Variants in PRKN observed in about 807,000 individuals in gnomAD.
PRKN encodes parkin RBR E3 ubiquitin protein ligase.
In PRKN, 56 loss-of-function variants were observed where a neutral mutation model predicts 59.5. The observed-to-expected ratio is 0.94, with a 90% CI of 0.76 to 1.18. The LOEUF (loss-of-function observed/expected upper bound fraction) is 1.18. Ranked by LOEUF, PRKN falls within the 50% of genes most tolerant of loss-of-function variation. The pLI, the probability that PRKN is intolerant of heterozygous loss-of-function variation, is 0.00. For synonymous variants in PRKN, 250 were observed against 222.1 expected, an observed-to-expected ratio of 1.13 and a Z score of -1.12; for missense variants, 657 against 596.4, an observed-to-expected ratio of 1.10 and a Z score of -1.06.
chr6:162,449,880 A>C (rs924980272), intron 1 of PRKN, among the ~76,000 whole-genome samples: 1 of 152,204 alleles, frequency 6.6e-6, no homozygotes, highest in East Asian at 1.9e-4. Context: ...AACAAAAAAA[A>C]TGAAGATTTC....
At chr6:161,734,637 T>TA (rs1787890699) in intron 7 of PRKN, among the ~76,000 whole-genome samples, 4 of 152,224 alleles carry the variant, frequency 2.6e-5, no homozygotes, top group Non-Finnish European at 5.9e-5. Context: ...CCTAAACATT[T>TA]AGAGGAAATT....
At chr6:161,705,188 C>T (rs1786430856) in intron 7 of PRKN, among the ~76,000 whole-genome samples, 1 of 152,102 alleles carries the variant, frequency 6.6e-6, no homozygotes, top group Non-Finnish European at 1.5e-5. Flanking sequence ...GGATTACCTC[C>T]CAATAAGCCC....
intron 6 of PRKN, among the ~76,000 whole-genome samples, chr6:161,941,253 G>C (rs1583379283): frequency 6.6e-6 from 1 of 152,326 alleles, no homozygotes; most frequent in South Asian, 2.1e-4. Context: ...CTAGCAGGCA[G>C]ACACAGGCGG....
intron 6 of PRKN, among the ~76,000 whole-genome samples, chr6:161,920,065 T>C (rs1052832237): frequency 6.6e-6 from 1 of 152,232 alleles, no homozygotes; most frequent in African/African-American, 2.4e-5. Flanking sequence ...CTGTACAGCA[T>C]GTTACTGGAC....
chr6:161,755,600 T>C (rs548688400), intron 7 of PRKN, among the ~76,000 whole-genome samples: 1 of 152,114 alleles, frequency 6.6e-6, no homozygotes, highest in East Asian at 1.9e-4. Context: ...GCAAGCAGAA[T>C]TGAAATTATG....
At chr6:161,823,362 T>C (rs1792114428) in intron 6 of PRKN, among the ~76,000 whole-genome samples, 1 of 152,278 alleles carries the variant, frequency 6.6e-6, no homozygotes, top group African/African-American at 2.4e-5. Context: ...TAATAATTCA[T>C]TATCATATGC....
chr6:162,450,367 CCTGTGATTGTAATCCCCCT>C (rs1414452082), intron 1 of PRKN, among the ~76,000 whole-genome samples: 4 of 135,096 alleles, frequency 3.0e-5, no homozygotes, highest in Admixed American at 7.4e-5. Flanking sequence ...TGTAAACGCC[CCTGTGATTGTAATCCCCCT>C]GTGAATGTAA....
chr6:161,828,116 T>C (rs1287393789), intron 6 of PRKN, among the ~76,000 whole-genome samples: 2 of 152,126 alleles, frequency 1.3e-5, no homozygotes, highest in Admixed American at 6.5e-5. Flanking sequence ...ATAGAAAGAT[T>C]CCCTTTCAAT....
chr6:162,437,087 G>C lies in PRKN; in HGVS notation c.171+6223C>G, dbSNP rs1038670095. On this transcript the variant is annotated intron_variant, in intron 2 of 11. Transcript: ENST00000366898. ...AGCCTGGGCGACAGAGCGAGACTCT[G>C]TCTCAAAAAAAATAAATAAATAAAT... Among the ~76,000 whole-genome samples the C allele has an allele frequency of 6.5e-5, 8 of 123,532 alleles. 1 individual carries two copies. Among genetic ancestry groups the C allele is most frequent in the African/African-American group, 3.2e-4 (8 of 24,954 alleles). The allele number at this position is 123,532 out of a possible 152,430, so 81.0% of individuals were successfully genotyped here. A position where few individuals can be genotyped will look rare whatever the true frequency, so the allele number is the denominator to read the frequency against.
intron 3 of PRKN, among the ~76,000 whole-genome samples, chr6:162,221,657 T>C (rs956611302): frequency 6.6e-6 from 1 of 152,280 alleles, no homozygotes; most frequent in Non-Finnish European, 1.5e-5. Flanking sequence ...TCCGGCCTTA[T>C]TTCATTACTC....
At chr6:161,946,268 A>G (rs534066469) in intron 6 of PRKN, among the ~76,000 whole-genome samples, 1 of 152,226 alleles carries the variant, frequency 6.6e-6, no homozygotes, top group South Asian at 2.1e-4. Context: ...ATGCCTCTGG[A>G]TGTGTTTTTA....
At chr6:162,003,112 T>C (rs1354231158) in intron 5 of PRKN, among the ~76,000 whole-genome samples, 1 of 151,512 alleles carries the variant, frequency 6.6e-6, no homozygotes, top group Non-Finnish European at 1.5e-5. Flanking sequence ...GGAAGTGGTC[T>C]ATAGAGGTCA....
chr6:162,449,467 G>A (rs1290648318), intron 1 of PRKN, among the ~76,000 whole-genome samples: 1 of 152,114 alleles, frequency 6.6e-6, no homozygotes, highest in Non-Finnish European at 1.5e-5. Context: ...GACCTTGCAT[G>A]TGCAATTTCA....
rs538589206 is a variant in PRKN, at chr6:161,396,878, C to T, written c.1084-10001G>A. ...GAGGCCTGAACATGTTTGGGGACACCCTGCCAGCACATCTTACAGACTTTT... is the reference window on the plus strand; with the variant it reads ...GAGGCCTGAACATGTTTGGGGACACTCTGCCAGCACATCTTACAGACTTTT... On this transcript the variant is annotated intron_variant, in intron 9 of 11. Coordinates refer to ENST00000366898, the MANE Select transcript of PRKN (RefSeq NM_004562.3). The surrounding 1 kb of genome is among the most constrained non-coding windows in gnomAD (Gnocchi z 5.4). 1.2e-3 allele frequency among the ~76,000 whole-genome samples: 184 copies of T among 152,292 alleles called. No homozygotes were observed. Among genetic ancestry groups the T allele is most frequent in the Middle Eastern group, 3.4e-3 (1 of 294 alleles).
intron 1 of PRKN, among the ~76,000 whole-genome samples, chr6:162,576,051 G>T (rs73035006): frequency 0.1 from 15,573 of 152,172 alleles, 944 homozygotes; most frequent in Middle Eastern, 0.19. Flanking sequence ...GTAAGGTTTA[G>T]GAGACCACGC....
Position 161,462,358 on chromosome 6 carries a change from G to A in PRKN, c.1084-75481C>T, listed in dbSNP as rs1209429887. ...TGGCATAAGCTGGCATTTTTCAGTC[G>A]AAATACCACAGGGAGAGGTATTTTA... On this transcript the variant is annotated intron_variant, in intron 9 of 11. Transcript: ENST00000366898. The surrounding 1 kb of genome is among the most constrained non-coding windows in gnomAD (Gnocchi z 4.5). Among the ~76,000 whole-genome samples the A allele has an allele frequency of 6.6e-6, 1 of 152,128 alleles. No homozygotes were observed. Among genetic ancestry groups the A allele is most frequent in the African/African-American group, 2.4e-5 (1 of 41,436 alleles).
intron 6 of PRKN, among the ~76,000 whole-genome samples, chr6:161,946,069 T>G (rs1452145260): frequency 6.6e-6 from 1 of 152,150 alleles, no homozygotes; most frequent in African/African-American, 2.4e-5. Flanking sequence ...TTAATAAATA[T>G]TTTTTAACTA....
At chr6:162,424,739 A>C (rs1333681279) in intron 2 of PRKN, among the ~76,000 whole-genome samples, 1 of 141,316 alleles carries the variant, frequency 7.1e-6, no homozygotes, top group Non-Finnish European at 1.5e-5. Context: ...TGTCTCAAAG[A>C]AAAAAAAAAA....
intron 2 of PRKN, among the ~76,000 whole-genome samples, chr6:162,397,024 T>C (rs1370448648): frequency 6.6e-6 from 1 of 152,158 alleles, no homozygotes; most frequent in Non-Finnish European, 1.5e-5. Flanking sequence ...GGAGATAGTA[T>C]GCAACCGAGG....
Sources: gnomAD v4.1 joint callset for allele counts (sites outside exome capture counted in the v4.1 genomes callset) on GRCh38, gnomAD v4.1.1 for gene constraint, Gnocchi (gnomAD v3.1) non-coding constraint, MANE v1.5 for transcripts, NCBI Gene and HGNC (gene_info 2026-07-23, HGNC 2026-07-21) for gene names.